CHST8: variants seen among roughly 807,000 people sequenced by gnomAD.
CHST8 encodes the protein carbohydrate sulfotransferase 8, also known as GALNAC-4-ST1.
Under a neutral mutation model 15.0 loss-of-function variants are expected in CHST8, and 10 were observed. The observed-to-expected ratio is 0.67, with a 90% CI of 0.41 to 1.13. CHST8 has a LOEUF of 1.13. Ranked by LOEUF, CHST8 falls within the 50% of genes most tolerant of loss-of-function variation. The pLI is 0.00. For synonymous variants in CHST8, 259 were observed against 256.6 expected, an observed-to-expected ratio of 1.01 and a Z score of -0.09; for missense variants, 634 against 608.2, an observed-to-expected ratio of 1.04 and a Z score of -0.45.
intron 2 of CHST8, among the ~76,000 whole-genome samples, chr19:33,687,618 G>A (rs561348024): frequency 6.6e-6 from 1 of 152,340 alleles, no homozygotes; most frequent in South Asian, 2.1e-4. Context: ...GAGGCCTGGG[G>A]CGGGTTAATT....
In CHST8 at chr19:33,710,872, G is replaced by GGTTTTTT. The variant is rs397802097; in HGVS notation, c.130+21481_130+21482insGTTTTTT. On this transcript the variant is annotated intron_variant, in intron 3 of 4. Transcript: ENST00000650847. Reference sequence around the variant, plus strand: ...TGTATGCTTTTGGTCAATTTCTGGAGTTTTTTTTTTTTTTTTTAAGGGGTA... The same window carrying GGTTTTTT: ...TGTATGCTTTTGGTCAATTTCTGGAGGTTTTTTTTTTTTTTTTTTTTTTTAAGGGGTA... 9.9e-3 allele frequency among the ~76,000 whole-genome samples: 1,366 copies of GGTTTTTT among 138,598 alleles called. 9 individuals carry two copies. Among genetic ancestry groups the GGTTTTTT allele is most frequent in the South Asian group, 0.015 (63 of 4,208 alleles). The allele number at this position is 138,598 out of a possible 152,430, so 90.9% of individuals were successfully genotyped here. A position where few individuals can be genotyped will look rare whatever the true frequency, so the allele number is the denominator to read the frequency against.
chr19:33,705,718 C>T (rs1370378623), intron 3 of CHST8, among the ~76,000 whole-genome samples: 3 of 152,106 alleles, frequency 2.0e-5, no homozygotes, highest in Admixed American at 6.5e-5. Context: ...TTTCTGCCCC[C>T]CTAGGGCACC....
intron 1 of CHST8, among the ~76,000 whole-genome samples, chr19:33,624,694 G>A (rs1018879445): frequency 6.6e-6 from 1 of 152,162 alleles, no homozygotes; most frequent in African/African-American, 2.4e-5. Flanking sequence ...TGGAAACCTC[G>A]CGCAGGCTGC....
chr19:33,690,346 A>AG (rs1165823707), intron 3 of CHST8, among the ~76,000 whole-genome samples: 5 of 152,156 alleles, frequency 3.3e-5, no homozygotes, highest in Non-Finnish European at 5.9e-5. Flanking sequence ...GTGTAGGCAG[A>AG]GGGGTTGCTG....
intron 3 of CHST8, among the ~76,000 whole-genome samples, chr19:33,740,703 G>C (rs1053228847): frequency 6.6e-6 from 1 of 152,182 alleles, no homozygotes; most frequent in Admixed American, 6.5e-5. Context: ...CCCCACTAGA[G>C]AGTAAACCTC....
chr19:33,663,818 C>T (rs547327981), intron 1 of CHST8, among the ~76,000 whole-genome samples: 11 of 152,052 alleles, frequency 7.2e-5, no homozygotes, highest in African/African-American at 1.4e-4. Context: ...TGCAGTGAGC[C>T]GAGATCCTGC....
chr19:33,732,836 A>G (rs1974019371), intron 3 of CHST8, among the ~76,000 whole-genome samples: 1 of 152,132 alleles, frequency 6.6e-6, no homozygotes, highest in Admixed American at 6.5e-5. Flanking sequence ...GTATCATCTC[A>G]TTTAATTCTC....
intron 3 of CHST8, among the ~76,000 whole-genome samples, chr19:33,750,530 G>A (rs1974395853): frequency 6.6e-6 from 1 of 151,990 alleles, no homozygotes; most frequent in Non-Finnish European, 1.5e-5. Context: ...CTAAGCCTCG[G>A]GATAAGCCAT....
At chr19:33,625,178 T>C (rs1568306162) in intron 1 of CHST8, among the ~76,000 whole-genome samples, 1 of 151,934 alleles carries the variant, frequency 6.6e-6, no homozygotes, top group Non-Finnish European at 1.5e-5. Flanking sequence ...CTCTGCCTCC[T>C]GGGTTCAAGC....
At chr19:33,705,382 G>A (rs1599569198) in intron 3 of CHST8, among the ~76,000 whole-genome samples, 1 of 152,224 alleles carries the variant, frequency 6.6e-6, no homozygotes. Flanking sequence ...GGGGACCTGA[G>A]GGGTCGGGGA....
intron 3 of CHST8, among the ~76,000 whole-genome samples, chr19:33,713,763 G>A (rs981723365): frequency 6.6e-6 from 1 of 152,148 alleles, no homozygotes; most frequent in Non-Finnish European, 1.5e-5. Flanking sequence ...GTTTCACCAT[G>A]TTGGCCAGGC....
At chr19:33,769,224 C>A (rs544410204) in intron 3 of CHST8, among the ~76,000 whole-genome samples, 1 of 152,242 alleles carries the variant, frequency 6.6e-6, no homozygotes, top group Non-Finnish European at 1.5e-5. Flanking sequence ...CCTCAACAAG[C>A]ACATGGCCTT....
At chr19:33,706,764 G>A (rs144888755) in intron 3 of CHST8, among the ~76,000 whole-genome samples, 52 of 152,306 alleles carry the variant, frequency 3.4e-4, no homozygotes, top group African/African-American at 1.0e-3. Flanking sequence ...CAGAAGTAGC[G>A]GCAGTAATTA....
chr19:33,699,257 G>A (rs190516468), intron 3 of CHST8, among the ~76,000 whole-genome samples: 1 of 152,300 alleles, frequency 6.6e-6, no homozygotes, highest in East Asian at 1.9e-4. Context: ...AGACACGGGA[G>A]GAGGAAGCTC....
intron 3 of CHST8, among the ~76,000 whole-genome samples, chr19:33,735,692 T>A (rs574443539): frequency 6.6e-6 from 1 of 152,216 alleles, no homozygotes; most frequent in Non-Finnish European, 1.5e-5. Context: ...CCGGGCGTGC[T>A]GGTGCACACC....
At chr19:33,664,826 C>T (rs143105216) in intron 1 of CHST8, among the ~76,000 whole-genome samples, 6 of 152,194 alleles carry the variant, frequency 3.9e-5, no homozygotes, top group Non-Finnish European at 7.4e-5. Flanking sequence ...CTGGTTCCCA[C>T]GTATGAGTGA....
chr19:33,715,727 G>T (rs920703967), intron 3 of CHST8, among the ~76,000 whole-genome samples: 6 of 152,184 alleles, frequency 3.9e-5, no homozygotes. Flanking sequence ...TTACGATCAT[G>T]TCCAACCAGC....
chr19:33,664,825 A>G (rs1382248130), intron 1 of CHST8, among the ~76,000 whole-genome samples: 2 of 151,962 alleles, frequency 1.3e-5, no homozygotes, highest in Non-Finnish European at 2.9e-5. Context: ...TCTGGTTCCC[A>G]CGTATGAGTG....
At chr19:33,694,045 T>C (rs1323177878) in intron 3 of CHST8, among the ~76,000 whole-genome samples, 3 of 142,056 alleles carry the variant, frequency 2.1e-5, no homozygotes, top group East Asian at 4.1e-4. Context: ...TTCATAGATA[T>C]GTATATAAAA....
Sources: gnomAD v4.1 joint callset for allele counts (sites outside exome capture counted in the v4.1 genomes callset) on GRCh38, gnomAD v4.1.1 for gene constraint, MANE v1.5 for transcripts, NCBI Gene and HGNC (gene_info 2026-07-23, HGNC 2026-07-21) for gene names.